EXOC4: variants seen among roughly 807,000 people sequenced by gnomAD.
EXOC4 encodes the protein exocyst complex component 4.
In EXOC4, 71 loss-of-function variants were observed where a neutral mutation model predicts 107.2. The observed-to-expected ratio is 0.66, with a 90% CI of 0.55 to 0.81. EXOC4 has a LOEUF of 0.81. Among genes scored for constraint, EXOC4 ranks in the 30% least tolerant of loss-of-function variants. The pLI, the probability that EXOC4 is intolerant of heterozygous loss-of-function variation, is 0.00. For synonymous variants in EXOC4, 456 were observed against 441.2 expected (o/e 1.03, Z -0.42); for missense variants, 1,108 against 1,189.6 (o/e 0.93, Z 1.01).
At chr7:134,072,324 C>G in the EXOC4 span, among the ~76,000 whole-genome samples, 5 of 152,038 alleles carry the variant, frequency 3.3e-5, no homozygotes, top group African/African-American at 9.7e-5. Context: ...GTAAGTTATA[C>G]ATGAAAAAAA....
chr7:133,613,219 A>G (rs189881122), intron 9 of EXOC4, among the ~76,000 whole-genome samples: 2 of 152,314 alleles, frequency 1.3e-5, no homozygotes, highest in South Asian at 2.1e-4. Context: ...ACAAATGCAG[A>G]CCATATATGG....
intron 7 of EXOC4, among the ~76,000 whole-genome samples, chr7:133,416,160 G>C (rs952887400): frequency 2.0e-5 from 3 of 152,122 alleles, no homozygotes; most frequent in African/African-American, 7.2e-5. Flanking sequence ...TATGCTCTAT[G>C]AGAAAAAAAG....
At chr7:134,057,700 G>A (rs1795964033) in intron 17 of EXOC4, among the ~76,000 whole-genome samples, 3 of 152,088 alleles carry the variant, frequency 2.0e-5, no homozygotes, top group African/African-American at 4.8e-5. Flanking sequence ...TTGCTACTGC[G>A]TCTTGTCTAC....
intron 10 of EXOC4, among the ~76,000 whole-genome samples, chr7:133,778,668 C>G (rs1354734294): frequency 6.6e-6 from 1 of 152,228 alleles, no homozygotes; most frequent in Non-Finnish European, 1.5e-5. Context: ...ATTACTCATT[C>G]AGAAAGTTAG....
intron 9 of EXOC4, among the ~76,000 whole-genome samples, chr7:133,562,815 A>G (rs779537053): frequency 1.3e-5 from 2 of 152,202 alleles, no homozygotes; most frequent in East Asian, 3.9e-4. Flanking sequence ...AGTAATCCTC[A>G]TGCCTCTTAA....
At chr7:134,031,930 A>G (rs989882120) in intron 17 of EXOC4, among the ~76,000 whole-genome samples, 38 of 152,196 alleles carry the variant, frequency 2.5e-4, no homozygotes, top group Admixed American at 1.8e-3. Context: ...AAAATACTAA[A>G]TGTCTGATCT....
chr7:134,008,763 G>C (rs192891104), intron 17 of EXOC4, among the ~76,000 whole-genome samples: 72 of 151,214 alleles, frequency 4.8e-4, no homozygotes, highest in African/African-American at 1.7e-3. Flanking sequence ...CGAGGAGCTG[G>C]GACTAAAGGC....
chr7:133,424,146 C>T (rs895643081), intron 7 of EXOC4, among the ~76,000 whole-genome samples: 1 of 152,124 alleles, frequency 6.6e-6, no homozygotes, highest in African/African-American at 2.4e-5. Flanking sequence ...GCAGGCCACC[C>T]GAGCCAACAG....
chr7:133,963,316 G>A (rs527251814), intron 14 of EXOC4, among the ~76,000 whole-genome samples: 1 of 152,356 alleles, frequency 6.6e-6, no homozygotes, highest in Admixed American at 6.5e-5. Context: ...CTTTTTAGTT[G>A]TAGAGTACAT....
chr7:133,464,305 G>A (rs1798665038), intron 7 of EXOC4, among the ~76,000 whole-genome samples: 1 of 152,170 alleles, frequency 6.6e-6, no homozygotes, highest in South Asian at 2.1e-4. Context: ...GATGAGGGAA[G>A]TGAGGCTTAG....
chr7:134,068,756 C>T (rs1268125383), downstream of EXOC4, among the ~76,000 whole-genome samples: 3 of 152,142 alleles, frequency 2.0e-5, no homozygotes, highest in Admixed American at 6.5e-5. Context: ...CTGAGCCCGA[C>T]GGTCCTTATT....
chr7:133,324,363 C>T (rs1795185478), intron 5 of EXOC4, among the ~76,000 whole-genome samples: 1 of 152,144 alleles, frequency 6.6e-6, no homozygotes, highest in Non-Finnish European at 1.5e-5. Context: ...TATACATTTC[C>T]CTCTACACAC....
At chr7:133,479,851 G>A (rs992888251) in intron 8 of EXOC4, among the ~76,000 whole-genome samples, 199 bp from the exon 9 acceptor site, 3 of 152,264 alleles carry the variant, frequency 2.0e-5, no homozygotes, top group Non-Finnish European at 2.9e-5. Flanking sequence ...TTGTAAAGGA[G>A]CCTTAGCCAG....
intron 5 of EXOC4, among the ~76,000 whole-genome samples, chr7:133,354,116 T>G (rs988187964): frequency 5.9e-5 from 9 of 152,068 alleles, no homozygotes; most frequent in African/African-American, 2.2e-4. Flanking sequence ...TCTTAATATA[T>G]CTACCATTAA....
At chr7:134,014,057 G>A (rs531885032) in intron 17 of EXOC4, among the ~76,000 whole-genome samples, 70 of 152,216 alleles carry the variant, frequency 4.6e-4, no homozygotes, top group African/African-American at 9.2e-4. Flanking sequence ...ACATACATGC[G>A]TACAAAAATA....
chr7:134,066,147 G>A (rs775671502), downstream of EXOC4: 5 of 152,330 alleles, frequency 3.3e-5, no homozygotes, highest in Admixed American at 2.0e-4. Context: ...CCTAGAAGCA[G>A]GAGTGGAAGA....
intron 4 of EXOC4, among the ~76,000 whole-genome samples, chr7:133,316,310 C>T (rs890326752): frequency 2.6e-5 from 4 of 152,218 alleles, no homozygotes; most frequent in East Asian, 1.9e-4. Flanking sequence ...TTCCTATAGG[C>T]GTGGTCTCTT....
chr7:133,745,918 G>A (rs930935364), intron 10 of EXOC4, among the ~76,000 whole-genome samples: 6 of 151,960 alleles, frequency 3.9e-5, no homozygotes, highest in Admixed American at 1.3e-4. Context: ...TACGTGTTAA[G>A]TGAATATGTT....
intron 11 of EXOC4, among the ~76,000 whole-genome samples, chr7:133,857,148 GTATATATATATATATATATATATATATA>G (rs60382657): frequency 8.7e-4 from 18 of 20,720 alleles, no homozygotes; most frequent in East Asian, 7.4e-3. Flanking sequence ...ACACATACAC[GTATATATATATATATATATATATATATA>G]TATATATATA....
Sources: gnomAD v4.1 joint callset for allele counts (sites outside exome capture counted in the v4.1 genomes callset) on GRCh38, gnomAD v4.1.1 for gene constraint, MANE v1.5 for transcripts, NCBI Gene and HGNC (gene_info 2026-07-23, HGNC 2026-07-21) for gene names.